The following BMPER variants were observed in gnomAD, a reference collection of about 807,000 sequenced individuals.
The protein encoded by BMPER is BMP binding endothelial regulator, also known as BMP-binding endothelial regulator protein.
A neutral mutation model predicts 87.3 loss-of-function variants in BMPER; 45 were observed. The ratio of observed to expected loss-of-function variants is 0.52; its 90% confidence interval spans 0.41 to 0.66. The LOEUF (loss-of-function observed/expected upper bound fraction) is 0.66. Ranked by LOEUF, BMPER falls within the 30% of genes least tolerant of loss-of-function variation. The pLI is 0.00. For synonymous variants in BMPER, 326 were observed against 316.2 expected (o/e 1.03, Z -0.33); for missense variants, 784 against 867.5 (o/e 0.90, Z 1.21).
chr7:34,007,592 T>C (rs1055125953), intron 6 of BMPER, among the ~76,000 whole-genome samples: 1 of 152,020 alleles, frequency 6.6e-6, no homozygotes, highest in African/African-American at 2.4e-5. Flanking sequence ...TAATTATACA[T>C]CTTGGATGTT....
intron 13 of BMPER, among the ~76,000 whole-genome samples, chr7:34,119,877 G>C (rs916914345): frequency 6.6e-6 from 1 of 151,976 alleles, no homozygotes; most frequent in African/African-American, 2.4e-5. Context: ...TGAAAGTAAA[G>C]ATGTGAAAAA....
intron 6 of BMPER, among the ~76,000 whole-genome samples, chr7:33,990,252 G>A (rs1786166119): frequency 7.3e-6 from 1 of 136,424 alleles, no homozygotes; most frequent in African/African-American, 2.9e-5. Context: ...CCATGAGCAT[G>A]GAATGTTCTT....
At position 34,152,799 on chromosome 7, in the gene BMPER, CTAAA is replaced by C. The variant is rs1208757181; in HGVS notation, c.1877-290_1877-287del. Among the ~76,000 whole-genome samples, 26 of 152,100 alleles carry C rather than the reference CTAAA, an allele frequency of 1.7e-4. 1 individual carries two copies. Among genetic ancestry groups the C allele is most frequent in the African/African-American group, 6.3e-4 (26 of 41,424 alleles). ...TACTATTTAGTTATTTGTACAATAACTAAATAGCCTTAAAGATTTTCCTATAGGC... is the reference window on the plus strand; with the variant it reads ...TACTATTTAGTTATTTGTACAATAACTAGCCTTAAAGATTTTCCTATAGGC... On this transcript the variant is annotated intron_variant, in intron 14 of 14. Transcript: ENST00000649409.
chr7:34,066,380 C>G (rs914804778), intron 11 of BMPER, among the ~76,000 whole-genome samples: 1 of 152,202 alleles, frequency 6.6e-6, no homozygotes, highest in Non-Finnish European at 1.5e-5. Flanking sequence ...GCATTGCTGT[C>G]TTTTCATAAC....
chr7:34,054,701 C>T (rs1380560685), intron 8 of BMPER, among the ~76,000 whole-genome samples: 1 of 152,192 alleles, frequency 6.6e-6, no homozygotes, highest in African/African-American at 2.4e-5. Flanking sequence ...TGAGGTGGTG[C>T]CTTTGCTCTT....
intron 4 of BMPER, among the ~76,000 whole-genome samples, chr7:33,967,890 A>T (rs994900025): frequency 2.8e-4 from 43 of 152,206 alleles, no homozygotes; most frequent in African/African-American, 1.0e-3. Flanking sequence ...GAAGTTCCTT[A>T]AGTTGCATGG....
chr7:34,019,229 T>C (rs1787117305), intron 6 of BMPER, among the ~76,000 whole-genome samples: 2 of 151,994 alleles, frequency 1.3e-5, no homozygotes, highest in African/African-American at 4.8e-5. Context: ...TTCCAAACAG[T>C]TTGCATACAG....
At chr7:33,908,793 C>T (rs1294726463) in intron 2 of BMPER, among the ~76,000 whole-genome samples, 4 of 152,172 alleles carry the variant, frequency 2.6e-5, no homozygotes, top group Non-Finnish European at 5.9e-5. Context: ...CTGAAAGGCT[C>T]AGTGATATGT....
intron 6 of BMPER, among the ~76,000 whole-genome samples, chr7:34,003,491 A>T (rs1786643657): frequency 6.6e-6 from 1 of 152,058 alleles, no homozygotes; most frequent in Non-Finnish European, 1.5e-5. Context: ...GTAGAAAAAA[A>T]ATTAAATACT....
chr7:34,082,188 T>C (rs973527356), intron 12 of BMPER, among the ~76,000 whole-genome samples: 1 of 152,202 alleles, frequency 6.6e-6, no homozygotes, highest in African/African-American at 2.4e-5. Context: ...CAATTTCCCA[T>C]GCAGAGAATG....
At chr7:33,928,897 A>G (rs1784420742) in intron 2 of BMPER, among the ~76,000 whole-genome samples, 1 of 152,100 alleles carries the variant, frequency 6.6e-6, no homozygotes, top group African/African-American at 2.4e-5. Context: ...TGTAGGGGAT[A>G]TGGGTACTAA....
At chr7:34,127,096 A>G (rs1170111982) in intron 13 of BMPER, among the ~76,000 whole-genome samples, 2 of 152,284 alleles carry the variant, frequency 1.3e-5, no homozygotes, top group African/African-American at 4.8e-5. Flanking sequence ...ACCAGCATGA[A>G]CTCATTGGTT....
At chr7:33,905,438 T>TCCCCCCGCCCTCCCTCACAC (rs1783783261), upstream of BMPER, 3 of 22,680 alleles carry the variant, frequency 1.3e-4, no homozygotes, top group African/African-American at 5.8e-4. Context: ...CCTTGGTCTC[T>TCCCCCCGCCCTCCCTCACAC]CCCCCCGCCC....
chr7:34,086,447 A>G (rs1789212697), intron 13 of BMPER, among the ~76,000 whole-genome samples: 1 of 152,250 alleles, frequency 6.6e-6, no homozygotes, highest in Admixed American at 6.5e-5. Context: ...AGTACAAGGC[A>G]GAGCTGGTTC....
At chr7:33,940,662 C>G (rs1784728808) in intron 3 of BMPER, among the ~76,000 whole-genome samples, 1 of 151,878 alleles carries the variant, frequency 6.6e-6, no homozygotes, top group South Asian at 2.1e-4. Context: ...TCTGATAAGT[C>G]CTCTAACAAG....
At chr7:33,975,903 C>T (rs528903547) in intron 6 of BMPER, among the ~76,000 whole-genome samples, 17 of 151,522 alleles carry the variant, frequency 1.1e-4, no homozygotes, top group East Asian at 5.8e-4. Context: ...GGAAATATGA[C>T]GAAATGTGAT....
intron 12 of BMPER, 122 bp from the exon 13 acceptor site, chr7:34,085,634 A>T (rs777792060): frequency 2.5e-5 from 24 of 954,584 alleles, no homozygotes; most frequent in Middle Eastern, 2.1e-4. Flanking sequence ...AATTTGGACC[A>T]ACCCTTGGTG....
chr7:34,010,326 A>C (rs1267729053), intron 6 of BMPER, among the ~76,000 whole-genome samples: 1 of 151,958 alleles, frequency 6.6e-6, no homozygotes, highest in Non-Finnish European at 1.5e-5. Context: ...TGTTTTTAGG[A>C]GTGTAGATGA....
chr7:33,977,757 C>T (rs1171688333), intron 6 of BMPER, among the ~76,000 whole-genome samples: 1 of 151,994 alleles, frequency 6.6e-6, no homozygotes, highest in Non-Finnish European at 1.5e-5. Context: ...TATCTATACA[C>T]ACATATATAA....
Sources: gnomAD v4.1 joint callset for allele counts (sites outside exome capture counted in the v4.1 genomes callset) on GRCh38, gnomAD v4.1.1 for gene constraint, MANE v1.5 for transcripts, NCBI Gene and HGNC (gene_info 2026-07-23, HGNC 2026-07-21) for gene names.